BATF: variants seen among roughly 807,000 people sequenced by gnomAD.
BATF encodes the protein basic leucine zipper ATF-like transcription factor, also known as basic leucine zipper transcriptional factor ATF-like.
In BATF, 5 loss-of-function variants were observed where a neutral mutation model predicts 13.7. The observed-to-expected ratio is 0.36, with a 90% confidence interval of 0.19 to 0.77. The LOEUF is 0.77. BATF is among the 30% of genes least tolerant of loss of function. BATF has a pLI of 0.51. For synonymous variants in BATF, 72 were observed against 67.5 expected, an observed-to-expected ratio of 1.07 and a Z score of -0.33; for missense variants, 124 against 163.0, an observed-to-expected ratio of 0.76 and a Z score of 1.30.
chr14:75,525,095 T>C lies in BATF; in HGVS notation c.75T>C (p.Asp25=). The stretch of plus-strand genomic sequence containing the variant: ...TCTCTGCTTCCCAGGACTCATCTGA[T>C]GATGTGAGAAGAGTTCAGAGGAGGG... The part of the protein sequence containing the change: ...SPPPGKQDSS[D]DVRRVQRREK... The change falls in exon 2 of 3, where the codon GAT becomes GAC. Residue 25 remains aspartate (D), a synonymous_variant. Transcript: ENST00000286639. 6.2e-7 allele frequency: 1 copy of C among 1,613,124 alleles called. No individual in the cohort carries two copies. The highest frequency in any genetic ancestry group is 2.2e-5 in the East Asian group (1 of 44,860).
At position 75,537,133 on chromosome 14, in the gene BATF, T is replaced by C. The variant is rs140891234; in HGVS notation, c.169-9329T>C. ...CTAGGCAAGTCTCCTTTGTTGGGTA[T>C]GAATGGAGAGAGGGTCAAATTTGAA... On this transcript the variant is annotated intron_variant, in intron 2 of 2. Transcript: ENST00000286639. Among the ~76,000 whole-genome samples the C allele has an allele frequency of 2.4e-4, 36 of 152,290 alleles. No individual in the cohort carries two copies. The East Asian group carries it at 6.9e-3, about 29-fold the overall frequency.
At chr14:75,525,334 G>A (rs564480637) in intron 2 of BATF, 146 bp downstream of exon 2, 95 of 786,004 alleles carry the variant, frequency 1.2e-4, no homozygotes, top group Non-Finnish European at 8.6e-5. Flanking sequence ...CGTGGGGTGA[G>A]GTAGGGAAGG....
intron 1 of BATF, among the ~76,000 whole-genome samples, chr14:75,523,542 A>G (rs1304441688): frequency 6.6e-6 from 1 of 152,136 alleles, no homozygotes; most frequent in African/African-American, 2.4e-5. Flanking sequence ...TAGCTTGAGG[A>G]TTACCAAAAA....
Position 75,544,549 on chromosome 14 carries a change from A to G in BATF, c.169-1913A>G, listed in dbSNP as rs1324410048. ...TACTGCACTCCAGCCTGGGTGACAG[A>G]GTGAGACTGTCTCAAAAAAAAAAAA... On this transcript the variant is annotated intron_variant, in intron 2 of 2. Coordinates refer to ENST00000286639, the MANE Select transcript of BATF (RefSeq NM_006399.5). Among the ~76,000 whole-genome samples, 46 of 117,026 alleles carry G rather than the reference A, an allele frequency of 3.9e-4. 1 individual carries two copies. The highest frequency in any genetic ancestry group is 1.4e-3 in the African/African-American group (45 of 32,196). 76.8% of individuals were successfully genotyped at this position (117,026 alleles called of 152,430 possible).
intron 2 of BATF, among the ~76,000 whole-genome samples, chr14:75,540,914 C>T (rs1034446922): frequency 1.4e-4 from 21 of 152,078 alleles, no homozygotes; most frequent in African/African-American, 4.6e-4. Flanking sequence ...GGTGAAACCC[C>T]GTCTCTACTA....
At chr14:75,544,068 T>TGCCAGGCATTGA (rs1203838638) in intron 2 of BATF, among the ~76,000 whole-genome samples, 2 of 152,258 alleles carry the variant, frequency 1.3e-5, no homozygotes, top group Admixed American at 6.5e-5. Context: ...TCATACTATG[T>TGCCAGGCATTGA]GCCAGGCATT....
chr14:75,541,275 A>T (rs1394589405), intron 2 of BATF, among the ~76,000 whole-genome samples: 1 of 152,014 alleles, frequency 6.6e-6, no homozygotes, highest in East Asian at 1.9e-4. Flanking sequence ...TGAGGTTGAG[A>T]ATCATTGTTT....
intron 1 of BATF, 106 bp from the exon 2 acceptor site, chr14:75,524,978 G>A (rs1280508331): frequency 1.2e-5 from 11 of 932,636 alleles, no homozygotes; most frequent in South Asian, 4.6e-5. Context: ...ATGCAGAGAC[G>A]AAGGCATGGA....
At position 75,522,607 on chromosome 14, in the gene BATF, G is replaced by A. The variant is rs918924463; in HGVS notation, c.-76G>A. 1.3e-6 allele frequency: 2 copies of A among 1,581,422 alleles called. No individual in the cohort carries two copies. Among genetic ancestry groups the A allele is most frequent in the East Asian group, 2.2e-5 (1 of 44,652 alleles). On this transcript the variant is annotated 5_prime_UTR_variant, in exon 1 of 3. Coordinates refer to ENST00000286639, the MANE Select transcript of BATF (RefSeq NM_006399.5). ...TGGGCTGGTGGCCCAGGAGAAGTCA[G>A]GAAGGGAGCCCAGCTGGTGACAAGA...
chr14:75,532,450 G>A (rs903550795), intron 2 of BATF, among the ~76,000 whole-genome samples: 3 of 151,980 alleles, frequency 2.0e-5, no homozygotes, highest in Non-Finnish European at 4.4e-5. Context: ...TATATAGATA[G>A]GTACTATATA....
At chr14:75,532,301 A>G (rs150106053) in intron 2 of BATF, among the ~76,000 whole-genome samples, 108 of 151,050 alleles carry the variant, frequency 7.1e-4, no homozygotes, top group African/African-American at 2.5e-3. Context: ...TTGTCTTTTA[A>G]GCAATATCCT....
intron 2 of BATF, among the ~76,000 whole-genome samples, chr14:75,531,674 A>G (rs1887736204): frequency 6.6e-6 from 1 of 152,228 alleles, no homozygotes; most frequent in African/African-American, 2.4e-5. Flanking sequence ...TCATGAGTAT[A>G]AATTATGCAT....
intron 1 of BATF, among the ~76,000 whole-genome samples, chr14:75,523,290 T>C (rs1402157226): frequency 6.6e-6 from 1 of 151,894 alleles, no homozygotes; most frequent in Non-Finnish European, 1.5e-5. Flanking sequence ...AGGATCTCTC[T>C]ACTGGGGCAC....
At position 75,546,724 on chromosome 14, in the gene BATF, G is replaced by A; in HGVS notation, c.*53G>A. 1 of 1,495,184 alleles carries A rather than the reference G, an allele frequency of 6.7e-7. No individual in the cohort carries two copies. The allele number at this position is 1,495,184 out of a possible 1,614,324, so 92.6% of individuals were successfully genotyped here. On this transcript the variant is annotated 3_prime_UTR_variant, in exon 3 of 3. Coordinates refer to ENST00000286639, the MANE Select transcript of BATF (RefSeq NM_006399.5). ...CGGGAGGGGCACACAGACTGTGGCA[G>A]AGCTGCGCCCATCCCGCAGAGGCCC...
Position 75,546,767 on chromosome 14 carries a change from C to A in BATF, c.*96C>A, listed in dbSNP as rs1163343428. On this transcript the variant is annotated 3_prime_UTR_variant, in exon 3 of 3. Coordinates refer to ENST00000286639, the MANE Select transcript of BATF (RefSeq NM_006399.5). ...AGAGGCCCCTGTCCACCTGGAGACC[C>A]GGAGACAGAGGCCTGGACAAGGAGT... 2.2e-6 allele frequency: 3 copies of A among 1,390,258 alleles called. No individual in the cohort carries two copies. The highest frequency in any genetic ancestry group is 2.9e-6 in the Non-Finnish European group (3 of 1,032,822). The allele number at this position is 1,390,258 out of a possible 1,614,324, so 86.1% of individuals were successfully genotyped here. A position where few individuals can be genotyped will look rare whatever the true frequency, so the allele number is the denominator to read the frequency against.
At chr14:75,530,744 A>G (rs939093815) in intron 2 of BATF, among the ~76,000 whole-genome samples, 4 of 152,150 alleles carry the variant, frequency 2.6e-5, no homozygotes, top group Non-Finnish European at 5.9e-5. Context: ...CCTGAGCTCA[A>G]GTGATCTGCC....
At chr14:75,542,313 C>T (rs964856988) in intron 2 of BATF, among the ~76,000 whole-genome samples, 3 of 152,302 alleles carry the variant, frequency 2.0e-5, no homozygotes, top group African/African-American at 4.8e-5. Flanking sequence ...TCTGATGGAC[C>T]TGGATGAATT....
chr14:75,540,189 C>G (rs1887876028), intron 2 of BATF, among the ~76,000 whole-genome samples: 1 of 152,166 alleles, frequency 6.6e-6, no homozygotes, highest in East Asian at 1.9e-4. Context: ...ACAGTCCCCA[C>G]CAGGGCCCAG....
intron 1 of BATF, 94 bp downstream of exon 1, chr14:75,522,839 T>C (rs1887592782): frequency 1.3e-6 from 2 of 1,499,566 alleles, no homozygotes; most frequent in East Asian, 2.3e-5. Flanking sequence ...GAGCTGAGGA[T>C]GGAGGAAGTG....
Sources: gnomAD v4.1 joint callset for allele counts (sites outside exome capture counted in the v4.1 genomes callset) on GRCh38, gnomAD v4.1.1 for gene constraint, MANE v1.5 for transcripts, NCBI Gene and HGNC (gene_info 2026-07-23, HGNC 2026-07-21) for gene names.